ADGRE3: variants seen among roughly 807,000 people sequenced by gnomAD.
The protein encoded by ADGRE3 is adhesion G protein-coupled receptor E3, also known as EGF-like module receptor 3.
A neutral mutation model predicts 80.1 loss-of-function variants in ADGRE3; 88 were observed. The ratio of observed to expected loss-of-function variants is 1.10; its 90% confidence interval spans 0.93 to 1.31. The LOEUF (loss-of-function observed/expected upper bound fraction) is 1.31, where lower values mean the gene tolerates loss of function less well. Among genes scored for constraint, ADGRE3 ranks in the 40% most tolerant of loss-of-function variants. The pLI is 0.00. For synonymous variants in ADGRE3, 281 were observed against 294.8 expected (o/e 0.95, Z 0.48); for missense variants, 715 against 776.5 (o/e 0.92, Z 0.94).
downstream of ADGRE3, among the ~76,000 whole-genome samples, chr19:14,616,092 C>T (rs537133106): frequency 9.9e-5 from 15 of 151,950 alleles, no homozygotes; most frequent in South Asian, 4.2e-4. Flanking sequence ...CCACCACACC[C>T]GGCTAATTTT....
rs1972345791 is a variant in ADGRE3 at position 14,674,658 on chromosome 19, G to T, written c.25+88C>A. The T allele has an allele frequency of 2.2e-6, 3 of 1,342,290 alleles. No individual in the cohort carries two copies. In the Admixed American group the frequency reaches 5.5e-5, roughly 25 times the overall value. The allele number at this position is 1,342,290 out of a possible 1,614,324, so 83.1% of individuals were successfully genotyped here. ...GTGAGAGTGTTCAGAGCAGAAGAAA[G>T]AGGAGGAGAAAATAACCAATTGTTG... is the stretch of plus-strand genomic sequence containing the variant. On this transcript the variant is annotated intron_variant, in intron 1 of 15. Transcript: ENST00000253673.
Position 14,630,124 on chromosome 19 carries a change from G to C in ADGRE3, c.1727C>G (p.Ala576Gly). The change falls in exon 14 of 16, where the codon GCC becomes GGC. Residue 576 changes from alanine (A) to glycine (G), a missense_variant. Transcript: ENST00000253673. ...GGTGAAGAGGTAGGCCATGACCTGG[G>C]CAGCTGGACCCACCTGTAGCAAGCC... ...CLGLLQVGPA[A>G]QVMAYLFTII... 6.2e-7 allele frequency: 1 copy of C among 1,613,610 alleles called. No homozygotes were observed. Among genetic ancestry groups the C allele is most frequent in the Non-Finnish European group, 8.5e-7 (1 of 1,179,628 alleles).
At chr19:14,668,895 G>C in intron 1 of ADGRE3, 43 bp from the exon 2 acceptor site, 1 of 1,578,974 alleles carries the variant, frequency 6.3e-7, no homozygotes, top group Non-Finnish European at 8.7e-7. Flanking sequence ...TGAAACAATT[G>C]AGGAGAGATT....
chr19:14,638,527 A>C (rs1447727581), intron 10 of ADGRE3, among the ~76,000 whole-genome samples, 187 bp from the exon 11 acceptor site: 2 of 151,810 alleles, frequency 1.3e-5, no homozygotes, highest in Non-Finnish European at 2.9e-5. Flanking sequence ...AGGTGGGAGG[A>C]TTGCTTGAGC....
the ADGRE3 span, among the ~76,000 whole-genome samples, chr19:14,609,413 C>T: frequency 6.6e-6 from 1 of 152,194 alleles, no homozygotes; most frequent in Non-Finnish European, 1.5e-5. Context: ...ATCCTACACA[C>T]TCGAGTCCCT....
At chr19:14,650,388 TTC>T (rs1436209168) in intron 7 of ADGRE3, among the ~76,000 whole-genome samples, 1 of 137,916 alleles carries the variant, frequency 7.3e-6, no homozygotes, top group African/African-American at 2.7e-5. Flanking sequence ...CTCTCTCCCC[TTC>T]TCTCTCTTTC....
At chr19:14,635,478 C>T (rs971158321) in intron 11 of ADGRE3, among the ~76,000 whole-genome samples, 1 of 149,198 alleles carries the variant, frequency 6.7e-6, no homozygotes, top group African/African-American at 2.5e-5. Context: ...ATGGCGTGAT[C>T]TCAGCTCACT....
chr19:14,607,407 G>A, the ADGRE3 span, among the ~76,000 whole-genome samples: 2 of 151,582 alleles, frequency 1.3e-5, no homozygotes, highest in East Asian at 2.0e-4. Flanking sequence ...GTTTCACCGT[G>A]TTAGCCAGGA....
intron 11 of ADGRE3, among the ~76,000 whole-genome samples, chr19:14,635,316 C>T (rs1971006578): frequency 6.6e-6 from 1 of 151,614 alleles, no homozygotes; most frequent in South Asian, 2.1e-4. Flanking sequence ...TGTTGCCCAG[C>T]CTGGTCTTGA....
At chr19:14,641,142 C>T (rs142375072) in intron 10 of ADGRE3, among the ~76,000 whole-genome samples, 4 of 152,254 alleles carry the variant, frequency 2.6e-5, no homozygotes, top group East Asian at 3.9e-4. Context: ...AAAACGCTGT[C>T]GTTCTAAACT....
the ADGRE3 span, among the ~76,000 whole-genome samples, chr19:14,601,222 T>C: frequency 1.3e-5 from 2 of 152,096 alleles, no homozygotes; most frequent in African/African-American, 4.8e-5. Flanking sequence ...TACTTTATGC[T>C]GCGGTAACAG....
At chr19:14,626,342 TAGG>T (rs1568475014) in intron 14 of ADGRE3, among the ~76,000 whole-genome samples, 1 of 151,640 alleles carries the variant, frequency 6.6e-6, no homozygotes, top group African/African-American at 2.4e-5. Context: ...GAGGCTGAGG[TAGG>T]AGAATTGCTT....
chr19:14,631,621 ATAT>A (rs1970884319), intron 13 of ADGRE3, among the ~76,000 whole-genome samples: 2 of 151,820 alleles, frequency 1.3e-5, no homozygotes, highest in African/African-American at 4.8e-5. Flanking sequence ...AGAATATATT[ATAT>A]GTGTATGTAT....
intron 5 of ADGRE3, among the ~76,000 whole-genome samples, chr19:14,656,336 A>T (rs1971759897): frequency 6.9e-6 from 1 of 145,044 alleles, no homozygotes; most frequent in Non-Finnish European, 1.5e-5. Flanking sequence ...CCTGGGTGAC[A>T]GAGTGAGACT....
At chr19:14,650,116 ATC>A (rs548310039) in intron 7 of ADGRE3, among the ~76,000 whole-genome samples, 27 of 108,160 alleles carry the variant, frequency 2.5e-4, no homozygotes, top group Admixed American at 2.1e-3. Context: ...CCCTCTCCTC[ATC>A]TCTCTCTTTC....
At position 14,661,819 on chromosome 19, in the gene ADGRE3, G is replaced by A. The variant is rs150392754; in HGVS notation, c.355+144C>T. On this transcript the variant is annotated intron_variant, in intron 4 of 15. Coordinates refer to ENST00000253673, the MANE Select transcript of ADGRE3 (RefSeq NM_032571.5). ...GGAGGCTGAGACAGGAGAATCGCTT[G>A]AGCCCGGGAGGCGGAGGTTTCAGCC... 6.4e-4 allele frequency: 489 copies of A among 764,592 alleles called. 1 individual carries two copies. In the African/African-American group the frequency reaches 7.6e-3, roughly 12 times the overall value. The allele number at this position is 764,592 out of a possible 1,614,324, so 47.4% of individuals were successfully genotyped here.
At chr19:14,610,214 G>A in the ADGRE3 span, 1 of 1,550,512 alleles carries the variant, frequency 6.4e-7, no homozygotes, top group South Asian at 1.2e-5. Context: ...GGCCGAGGCT[G>A]GGGGTCCATA....
chr19:14,657,060 TA>T (rs1273576894), intron 5 of ADGRE3, among the ~76,000 whole-genome samples: 1 of 151,912 alleles, frequency 6.6e-6, no homozygotes, highest in African/African-American at 2.4e-5. Flanking sequence ...CATGCCCGGC[TA>T]ATTTTTGTGT....
At position 14,620,548 on chromosome 19, in the gene ADGRE3, T is replaced by TGTATATA; in HGVS notation, c.1921-1078_1921-1077insTATATAC. ...TGAATATATATATTTTATATATATA[T>TGTATATA]TATATATATATATATATATATTTTT... On this transcript the variant is annotated intron_variant, in intron 15 of 15. Coordinates refer to ENST00000253673, the MANE Select transcript of ADGRE3 (RefSeq NM_032571.5). Among the ~76,000 whole-genome samples the TGTATATA allele has an allele frequency of 3.6e-4, 9 of 24,982 alleles. 1 individual carries two copies. The highest frequency in any genetic ancestry group is 5.0e-4 in the Non-Finnish European group (8 of 16,070). 16.4% of individuals were successfully genotyped at this position (24,982 alleles called of 152,430 possible).
Sources: gnomAD v4.1 joint callset for allele counts (sites outside exome capture counted in the v4.1 genomes callset) on GRCh38, gnomAD v4.1.1 for gene constraint, MANE v1.5 for transcripts, NCBI Gene and HGNC (gene_info 2026-07-23, HGNC 2026-07-21) for gene names.